Variants in LOXHD1 observed in about 807,000 individuals in gnomAD.
LOXHD1 encodes lipoxygenase homology PLAT domains 1, also known as lipoxygenase homology domain-containing protein 1.
Under a neutral mutation model 248.2 loss-of-function variants are expected in LOXHD1, and 205 were observed. The ratio of observed to expected loss-of-function variants is 0.83; its 90% CI spans 0.74 to 0.93. The LOEUF is 0.93. Among genes scored for constraint, LOXHD1 ranks in the 40% least tolerant of loss-of-function variants. The probability of loss-of-function intolerance (pLI) is 0.00; values close to 1 mark genes in which losing one functional copy is unlikely to be tolerated. For synonymous variants in LOXHD1, 1,113 were observed against 1,162.8 expected (o/e 0.96, Z 0.87); for missense variants, 2,930 against 2,971.6 (o/e 0.99, Z 0.33).
chr18:46,532,641 T>G (rs2036124215), intron 28 of LOXHD1, among the ~76,000 whole-genome samples: 2 of 152,192 alleles, frequency 1.3e-5, no homozygotes, highest in African/African-American at 4.8e-5. Context: ...AATGGACGTG[T>G]TAACCAGCCC....
At chr18:46,610,256 T>C (rs989507227) in intron 6 of LOXHD1, among the ~76,000 whole-genome samples, 1 of 151,998 alleles carries the variant, frequency 6.6e-6, no homozygotes, top group Admixed American at 6.6e-5. Flanking sequence ...TGCAGGGACA[T>C]GGATGAAGCC....
chr18:46,601,500 A>C, intron 7 of LOXHD1, 33 bp from the exon 8 acceptor site: 1 of 1,551,620 alleles, frequency 6.4e-7, no homozygotes, highest in South Asian at 1.2e-5. Flanking sequence ...GAGAGTGTTC[A>C]ATGTGAGCTG....
chr18:46,596,233 T>C (rs2038255031), intron 8 of LOXHD1, among the ~76,000 whole-genome samples: 1 of 152,112 alleles, frequency 6.6e-6, no homozygotes, highest in African/African-American at 2.4e-5. Flanking sequence ...CAGAACTAGG[T>C]AGCCTGAAAA....
chr18:46,648,792 A>G lies in LOXHD1; in HGVS notation c.245+363T>C, dbSNP rs115215029. 8.3e-3 allele frequency among the ~76,000 whole-genome samples: 1,265 copies of G among 152,292 alleles called. 30 individuals are homozygous for G. The highest frequency in any genetic ancestry group is 0.029 in the African/African-American group (1,225 of 41,552). On this transcript the variant is annotated intron_variant, in intron 2 of 40. Coordinates refer to ENST00000642948, the MANE Select transcript of LOXHD1 (RefSeq NM_001384474.1). ...TTATGCTCACAGCTCCCTCAGATGTATGGTCTTCCCGATATCTGTGTGATG... is the reference window on the plus strand; with the variant it reads ...TTATGCTCACAGCTCCCTCAGATGTGTGGTCTTCCCGATATCTGTGTGATG...
At position 46,573,684 on chromosome 18, in the gene LOXHD1, C is replaced by T. The variant is rs2037800496; in HGVS notation, c.1971-1522G>A. Among the ~76,000 whole-genome samples, 3 of 152,270 alleles carry T rather than the reference C, an allele frequency of 2.0e-5. No individual in the cohort carries two copies. In the South Asian group the frequency reaches 6.2e-4, roughly 32 times the overall value. On this transcript the variant is annotated intron_variant, in intron 14 of 40. Transcript: ENST00000642948. ...TCTCTGCTAATAGACCACCCCTCTC[C>T]CCAAGGCTGACGGAGGCAATGCTGT...
At chr18:46,576,355 A>G (rs2012745164) in intron 14 of LOXHD1, among the ~76,000 whole-genome samples, 1 of 151,582 alleles carries the variant, frequency 6.6e-6, no homozygotes, top group Admixed American at 6.6e-5. Flanking sequence ...GGCTTAGGAG[A>G]ATGAGGGTTC....
intron 2 of LOXHD1, among the ~76,000 whole-genome samples, chr18:46,643,302 C>T (rs1268394306): frequency 6.6e-6 from 1 of 152,120 alleles, no homozygotes; most frequent in Non-Finnish European, 1.5e-5. Flanking sequence ...AGGGGTGACA[C>T]CCAGGCTTGC....
chr18:46,489,568 T>C (rs1446066798), intron 37 of LOXHD1, among the ~76,000 whole-genome samples: 1 of 152,148 alleles, frequency 6.6e-6, no homozygotes, highest in Non-Finnish European at 1.5e-5. Flanking sequence ...ACACCAGTAT[T>C]TACTTAGTCC....
chr18:46,605,714 G>A (rs935559968), intron 6 of LOXHD1, among the ~76,000 whole-genome samples: 1 of 152,160 alleles, frequency 6.6e-6, no homozygotes, highest in Non-Finnish European at 1.5e-5. Context: ...CCCTGGATGT[G>A]AGATGGGAGT....
chr18:46,541,467 A>G (rs2036553980), intron 25 of LOXHD1, among the ~76,000 whole-genome samples: 1 of 152,166 alleles, frequency 6.6e-6, no homozygotes, highest in South Asian at 2.1e-4. Context: ...GGATATTGCT[A>G]TCATCCTGCA....
At chr18:46,648,309 C>T (rs530846833) in intron 2 of LOXHD1, among the ~76,000 whole-genome samples, 22 of 151,994 alleles carry the variant, frequency 1.4e-4, no homozygotes, top group African/African-American at 4.3e-4. Context: ...CAAAAAAAAA[C>T]GTGGGGTTTA....
intron 1 of LOXHD1, among the ~76,000 whole-genome samples, chr18:46,654,228 A>C (rs570673621): frequency 6.6e-6 from 1 of 152,246 alleles, no homozygotes; most frequent in African/African-American, 2.4e-5. Context: ...AAAAAAAAAT[A>C]TGTTCTTTAT....
chr18:46,640,698 A>G (rs1337989848), intron 3 of LOXHD1, among the ~76,000 whole-genome samples: 1 of 152,190 alleles, frequency 6.6e-6, no homozygotes, highest in African/African-American at 2.4e-5. Flanking sequence ...GCACGCCTCA[A>G]TTTGGATTAG....
chr18:46,499,340 G>A (rs1174728787), intron 37 of LOXHD1, among the ~76,000 whole-genome samples: 1 of 152,192 alleles, frequency 6.6e-6, no homozygotes, highest in Non-Finnish European at 1.5e-5. Context: ...AATGGCAGGT[G>A]CAAAGTTATC....
intron 8 of LOXHD1, among the ~76,000 whole-genome samples, chr18:46,597,221 C>T (rs1172254961): frequency 6.6e-6 from 1 of 151,764 alleles, no homozygotes; most frequent in African/African-American, 2.4e-5. Flanking sequence ...TTAGGGTTTC[C>T]CATATTAAGT....
At position 46,477,970 on chromosome 18, in the gene LOXHD1, G is replaced by T; in HGVS notation, c.6342-18C>A. ...AGAAGTACCTGGCAGAGAGGTGGGA[G>T]AGTGGAGGGGTAGGGGCTAAGCAGA... On this transcript the variant is annotated intron_variant, in intron 40 of 40. Coordinates refer to ENST00000642948, the MANE Select transcript of LOXHD1 (RefSeq NM_001384474.1). 2 of 1,542,314 alleles carry T rather than the reference G, an allele frequency of 1.3e-6. No homozygotes were observed. The highest frequency in any genetic ancestry group is 1.8e-6 in the Non-Finnish European group (2 of 1,140,446).
At chr18:46,639,414 C>A (rs992437449) in intron 4 of LOXHD1, among the ~76,000 whole-genome samples, 3 of 152,218 alleles carry the variant, frequency 2.0e-5, no homozygotes, top group Non-Finnish European at 4.4e-5. Flanking sequence ...CCTCCTTGAA[C>A]CCCTAGAGCA....
Position 46,557,373 on chromosome 18 carries a change from G to T in LOXHD1, c.3333C>A (p.Asp1111Glu), listed in dbSNP as rs1034494908. Residue 1111 changes from aspartate (D) to glutamate (E), a missense_variant, in exon 21 of 41, where the codon GAC (aspartate) becomes GAA (glutamate). By Grantham distance (45) the Asp-to-Glu change is conservative. Coordinates refer to ENST00000642948, the MANE Select transcript of LOXHD1 (RefSeq NM_001384474.1). Reference sequence around the variant, plus strand: ...ACACTCACGTGATCTCGTTGTTCATGTCAGTAATGTCTATTCTGTCCAGGA... The same window carrying T: ...ACACTCACGTGATCTCGTTGTTCATTTCAGTAATGTCTATTCTGTCCAGGA... ...GWFLDRIDIT[D>E]MNNEITYYFP... The T allele has an allele frequency of 2.3e-5, 36 of 1,552,202 alleles. No homozygotes were observed. Among genetic ancestry groups the T allele is most frequent in the Non-Finnish European group, 3.1e-5 (36 of 1,147,156 alleles).
rs2032545108 is a variant in LOXHD1, at chr18:46,481,317, C to A, written c.6341+2270G>T. Among the ~76,000 whole-genome samples, 6 of 152,072 alleles carry A rather than the reference C, an allele frequency of 3.9e-5. No homozygotes were observed. In the South Asian group the frequency reaches 1.2e-3, roughly 32 times the overall value. On this transcript the variant is annotated intron_variant, in intron 40 of 40. Transcript: ENST00000642948. ...GCGACAGGTTTTCATCCAGCAGAGA[C>A]CACTGAGAACTGCAGGCGACAGGTT...
Sources: allele counts gnomAD v4.1 joint callset (sites outside exome capture counted in the v4.1 genomes callset), GRCh38; gene constraint gnomAD v4.1.1; transcripts MANE v1.5; gene names NCBI Gene and HGNC (gene_info 2026-07-23, HGNC 2026-07-21).